LDLRAD4: variants seen among roughly 807,000 people sequenced by gnomAD.
The protein encoded by LDLRAD4 is low density lipoprotein receptor class A domain containing 4, also known as low-density lipoprotein receptor class A domain-containing protein 4.
A neutral mutation model predicts 17.0 loss-of-function variants in LDLRAD4; 5 were observed. The observed-to-expected ratio is 0.29, with a 90% CI of 0.15 to 0.62. The LOEUF is 0.62. LDLRAD4 is among the 20% of genes least tolerant of loss of function. The pLI, the probability that LDLRAD4 is intolerant of heterozygous loss-of-function variation, is 0.84. For synonymous variants in LDLRAD4, 168 were observed against 171.8 expected, an observed-to-expected ratio of 0.98 and a Z score of 0.17; for missense variants, 340 against 424.7, an observed-to-expected ratio of 0.80 and a Z score of 1.75.
At chr18:13,603,665 G>T (rs1482490249) in intron 3 of LDLRAD4, among the ~76,000 whole-genome samples, 1 of 152,248 alleles carries the variant, frequency 6.6e-6, no homozygotes, top group Non-Finnish European at 1.5e-5. Context: ...CCATCTCAGT[G>T]TTAGTTGTTG....
chr18:13,293,904 T>C (rs2046114219), intron 1 of LDLRAD4, among the ~76,000 whole-genome samples: 1 of 152,140 alleles, frequency 6.6e-6, no homozygotes, highest in African/African-American at 2.4e-5. Flanking sequence ...TGTCCAACCT[T>C]AGGGATCACA....
At chr18:13,612,635 A>G in intron 3 of LDLRAD4, 2 of 1,610,938 alleles carry the variant, frequency 1.2e-6, no homozygotes, top group Non-Finnish European at 1.7e-6. Flanking sequence ...GATTGCCGGA[A>G]GCTGAAGGGA....
chr18:13,229,360 C>A (rs1038032948), intron 1 of LDLRAD4, among the ~76,000 whole-genome samples: 23 of 152,282 alleles, frequency 1.5e-4, no homozygotes, highest in African/African-American at 5.3e-4. Context: ...TAGCTGTTTG[C>A]CCACCTTGTA....
At chr18:13,637,673 C>G (rs973242454) in intron 4 of LDLRAD4, among the ~76,000 whole-genome samples, 2 of 151,768 alleles carry the variant, frequency 1.3e-5, no homozygotes, top group African/African-American at 4.8e-5. Context: ...CGAGACAAAC[C>G]TGGCCAACAT....
intron 2 of LDLRAD4, among the ~76,000 whole-genome samples, chr18:13,431,778 T>C (rs2090351537): frequency 6.6e-6 from 1 of 152,240 alleles, no homozygotes; most frequent in Non-Finnish European, 1.5e-5. Flanking sequence ...GTCATATTCA[T>C]CTTTCTGAAG....
At chr18:13,264,308 C>T (rs1219152563) in intron 1 of LDLRAD4, among the ~76,000 whole-genome samples, 1 of 152,260 alleles carries the variant, frequency 6.6e-6, no homozygotes, top group Non-Finnish European at 1.5e-5. Flanking sequence ...TGGAGGGCTT[C>T]CCAGCCCCGC....
At position 13,621,309 on chromosome 18, in the gene LDLRAD4, G is replaced by A; in HGVS notation, c.336+38G>A. On this transcript the variant is annotated intron_variant, in intron 4 of 5. Coordinates refer to ENST00000359446, the Ensembl canonical transcript of LDLRAD4. This position sits in a 1 kb window ranked among gnomAD's most constrained non-coding sequence, Gnocchi z 5.5. ...GCCGCCCCGGCTCCAGAGTCAGGCA[G>A]CTGCAAGAGGCTTAGGAGCCCATCA... 1 of 1,527,374 alleles carries A rather than the reference G, an allele frequency of 6.5e-7. No homozygotes were observed. Among genetic ancestry groups the A allele is most frequent in the Non-Finnish European group, 9.0e-7 (1 of 1,108,986 alleles). 94.6% of individuals were successfully genotyped at this position (1,527,374 alleles called of 1,614,324 possible).
chr18:13,618,423 A>G (rs902877657), intron 3 of LDLRAD4, among the ~76,000 whole-genome samples: 4 of 152,262 alleles, frequency 2.6e-5, no homozygotes, highest in African/African-American at 9.6e-5. Flanking sequence ...TTATAATAAA[A>G]ATCCTTTTCA....
chr18:13,652,285 T>C (rs1202919541), exon 6 of LDLRAD4: 1 of 152,256 alleles, frequency 6.6e-6, no homozygotes, highest in Non-Finnish European at 1.5e-5. Context: ...TGCTTGTTGG[T>C]ATGTTGCTAT....
At chr18:13,254,798 T>C (rs34173756) in intron 1 of LDLRAD4, among the ~76,000 whole-genome samples, 41,514 of 152,006 alleles carry the variant, frequency 0.27, 6,610 homozygotes, top group Admixed American at 0.41. Context: ...CTGTTGTCTT[T>C]ACAAAAGCCC....
At chr18:13,636,285 C>A (rs2042073941) in intron 4 of LDLRAD4, among the ~76,000 whole-genome samples, 2 of 152,066 alleles carry the variant, frequency 1.3e-5, no homozygotes, top group Admixed American at 1.3e-4. Context: ...AAAGGTCGGC[C>A]CCTCCGTATG....
At chr18:13,536,410 A>G (rs1020086478) in intron 3 of LDLRAD4, among the ~76,000 whole-genome samples, 1 of 152,154 alleles carries the variant, frequency 6.6e-6, no homozygotes, top group Non-Finnish European at 1.5e-5. Flanking sequence ...TAAAATTTTC[A>G]TTTTAAGTCA....
At chr18:13,566,453 C>T (rs2094603558) in intron 3 of LDLRAD4, among the ~76,000 whole-genome samples, 1 of 151,782 alleles carries the variant, frequency 6.6e-6, no homozygotes, top group Non-Finnish European at 1.5e-5. Flanking sequence ...ACCTCCACCT[C>T]CTGGGTTCAA....
At chr18:13,401,980 C>T (rs937946688) in intron 2 of LDLRAD4, among the ~76,000 whole-genome samples, 4 of 152,158 alleles carry the variant, frequency 2.6e-5, no homozygotes, top group East Asian at 1.9e-4. Flanking sequence ...TTATCCGGGA[C>T]GATGGCAGGA....
intron 3 of LDLRAD4, among the ~76,000 whole-genome samples, chr18:13,483,017 T>G (rs779901594): frequency 3.3e-5 from 5 of 152,124 alleles, no homozygotes; most frequent in Non-Finnish European, 7.4e-5. Flanking sequence ...CCCCCATGCT[T>G]CAGAAGGGAA....
At chr18:13,224,918 C>T (rs112127143) in intron 1 of LDLRAD4, among the ~76,000 whole-genome samples, 4,342 of 151,920 alleles carry the variant, frequency 0.029, 75 homozygotes, top group Non-Finnish European at 0.031. Context: ...CTGCAACCTC[C>T]GTCCCAGGTT....
At chr18:13,250,333 T>C (rs567302475) in intron 1 of LDLRAD4, among the ~76,000 whole-genome samples, 39 of 152,126 alleles carry the variant, frequency 2.6e-4, no homozygotes, top group Non-Finnish European at 4.9e-4. Flanking sequence ...TTTTTTTTCC[T>C]ATTTCTGTGA....
At chr18:13,624,572 AGT>A (rs1391091230) in intron 4 of LDLRAD4, among the ~76,000 whole-genome samples, 1 of 151,938 alleles carries the variant, frequency 6.6e-6, no homozygotes, top group Non-Finnish European at 1.5e-5. Context: ...GGGATGGGGG[AGT>A]GTCAGGCGTG....
At chr18:13,427,255 A>G (rs376885538) in intron 2 of LDLRAD4, 1 of 152,500 alleles carries the variant, frequency 6.6e-6, no homozygotes, top group East Asian at 1.9e-4. Flanking sequence ...AAGATCTCAG[A>G]AGGAAGACGT....
Sources: gnomAD v4.1 joint callset for allele counts (sites outside exome capture counted in the v4.1 genomes callset) on GRCh38, gnomAD v4.1.1 for gene constraint, Gnocchi (gnomAD v3.1) non-coding constraint, MANE v1.5 for transcripts, NCBI Gene and HGNC (gene_info 2026-07-23, HGNC 2026-07-21) for gene names.